TGFBR3: variants seen among roughly 807,000 people sequenced by gnomAD.
The protein encoded by TGFBR3 is transforming growth factor beta receptor 3, also known as transforming growth factor beta receptor type 3.
A neutral mutation model predicts 87.9 loss-of-function variants in TGFBR3; 46 were observed. That is an observed-to-expected ratio of 0.52 (90% confidence interval 0.41 to 0.67). TGFBR3 has a LOEUF of 0.67. TGFBR3 is among the 30% of genes least tolerant of loss of function. The pLI is 0.00. For missense variants in TGFBR3, 866 were observed against 1,041.9 expected, an observed-to-expected ratio of 0.83 and a Z score of 2.32; for synonymous variants, 381 against 391.6, an observed-to-expected ratio of 0.97 and a Z score of 0.32.
At chr1:91,707,051 A>G (rs6660484) in intron 14 of TGFBR3, among the ~76,000 whole-genome samples, 58,932 of 152,102 alleles carry the variant, frequency 0.39, 11,612 homozygotes, top group East Asian at 0.47. Context: ...GGACGGCCAG[A>G]AAAATGAATT....
chr1:91,747,996 C>G (rs1322665812), intron 4 of TGFBR3, among the ~76,000 whole-genome samples: 2 of 152,212 alleles, frequency 1.3e-5, no homozygotes, highest in Admixed American at 1.3e-4. Context: ...TAAATGCTGA[C>G]TGATAGCTCC....
At chr1:91,902,650 A>G (rs1557769117) in intron 1 of TGFBR3, among the ~76,000 whole-genome samples, 1 of 150,574 alleles carries the variant, frequency 6.6e-6, no homozygotes, top group East Asian at 1.9e-4. Flanking sequence ...GTCTCTGAAC[A>G]CCCAGAACAC....
At chr1:91,855,639 G>A (rs1407835594) in intron 2 of TGFBR3, among the ~76,000 whole-genome samples, 2 of 152,136 alleles carry the variant, frequency 1.3e-5, no homozygotes, top group African/African-American at 4.8e-5. Context: ...TACAAAGGAG[G>A]AAAGCAGAAC....
chr1:91,798,942 G>A (rs1254477918), intron 2 of TGFBR3, among the ~76,000 whole-genome samples: 1 of 152,124 alleles, frequency 6.6e-6, no homozygotes, highest in Non-Finnish European at 1.5e-5. Flanking sequence ...ATACCCAGGG[G>A]AAGAAGGAAC....
intron 14 of TGFBR3, among the ~76,000 whole-genome samples, chr1:91,700,751 A>G (rs1489671035): frequency 6.6e-6 from 1 of 152,184 alleles, no homozygotes; most frequent in Non-Finnish European, 1.5e-5. Context: ...AATAACAACA[A>G]TGATGCCTTA....
intron 2 of TGFBR3, among the ~76,000 whole-genome samples, chr1:91,822,790 G>A (rs1196445600): frequency 1.3e-5 from 2 of 152,046 alleles, no homozygotes; most frequent in Admixed American, 1.3e-4. Context: ...GGCCAGCGTG[G>A]TGGCACGTGC....
At chr1:91,854,929 GA>G (rs960876845) in intron 2 of TGFBR3, among the ~76,000 whole-genome samples, 1 of 152,176 alleles carries the variant, frequency 6.6e-6, no homozygotes, top group African/African-American at 2.4e-5. Flanking sequence ...AGGCTGCTGT[GA>G]GGATCAAATG....
At chr1:91,817,043 C>T (rs2101051233) in intron 2 of TGFBR3, among the ~76,000 whole-genome samples, 1 of 152,308 alleles carries the variant, frequency 6.6e-6, no homozygotes, top group East Asian at 1.9e-4. Context: ...GAATTACTGG[C>T]ATAGCTAAGA....
chr1:91,816,084 C>T (rs1053141036), intron 2 of TGFBR3, among the ~76,000 whole-genome samples: 1 of 152,092 alleles, frequency 6.6e-6, no homozygotes, highest in Non-Finnish European at 1.5e-5. Context: ...AAGATAGAGC[C>T]ACACAAATCC....
At chr1:91,785,024 T>C (rs537887076) in intron 3 of TGFBR3, among the ~76,000 whole-genome samples, 128 of 152,336 alleles carry the variant, frequency 8.4e-4, no homozygotes, top group African/African-American at 2.9e-3. Context: ...AAGGCAGCCA[T>C]AGACAACATA....
At chr1:91,715,003 C>T (rs1007895930) in intron 12 of TGFBR3, among the ~76,000 whole-genome samples, 2 of 152,182 alleles carry the variant, frequency 1.3e-5, no homozygotes, top group African/African-American at 2.4e-5. Context: ...AACAGAAACA[C>T]GTGCACCAAA....
chr1:91,716,799 C>G (rs916801106), intron 10 of TGFBR3, 91 bp from the exon 11 acceptor site: 2 of 1,493,134 alleles, frequency 1.3e-6, no homozygotes, highest in African/African-American at 2.8e-5. Context: ...TGTAATCATT[C>G]TGATGCAAAT....
intron 4 of TGFBR3, among the ~76,000 whole-genome samples, chr1:91,745,142 C>T (rs1571466049): frequency 6.6e-6 from 1 of 152,178 alleles, no homozygotes. Context: ...GCACATCCAA[C>T]TGCACACATG....
At position 91,712,386 on chromosome 1, in the gene TGFBR3, G is replaced by A; in HGVS notation, c.2023C>T (p.His675Tyr). 1.2e-6 allele frequency: 2 copies of A among 1,614,200 alleles called. No individual in the cohort carries two copies. Among genetic ancestry groups the A allele is most frequent in the Non-Finnish European group, 1.7e-6 (2 of 1,180,028 alleles). ...ATGTCAGCTTGCGGGATAGGAAAGT[G>A]CACTCTCTTGGGACTGTAGAATTTC... is the stretch of plus-strand genomic sequence containing the variant. The part of the protein sequence containing the change: ...SVKFYSPKRV[H>Y]FPIPQADMDK... Residue 675 changes from histidine to tyrosine, a missense_variant, in exon 13 of 17, where the codon CAC (histidine) becomes TAC (tyrosine). Transcript: ENST00000212355.
At position 91,738,405 on chromosome 1, in the gene TGFBR3, G is replaced by T. The variant is rs532927773; in HGVS notation, c.385-3446C>A. Among the ~76,000 whole-genome samples the T allele has an allele frequency of 2.6e-5, 4 of 152,244 alleles. No individual in the cohort carries two copies. In the East Asian group the frequency reaches 7.7e-4, roughly 29 times the overall value. On this transcript the variant is annotated intron_variant, in intron 4 of 16. Transcript: ENST00000212355. Reference sequence around the variant, plus strand: ...TGGTGGGAGGTGTTTGGATCATGGGGGCAGATCCCCCCATGAATGGCTTAG... The same window carrying T: ...TGGTGGGAGGTGTTTGGATCATGGGTGCAGATCCCCCCATGAATGGCTTAG...
chr1:91,715,111 T>C (rs1672118010), intron 12 of TGFBR3, among the ~76,000 whole-genome samples: 2 of 152,102 alleles, frequency 1.3e-5, no homozygotes, highest in Non-Finnish European at 2.9e-5. Context: ...CAAAACCAGC[T>C]CATTAGATGA....
chr1:91,796,244 A>G (rs529338512), intron 3 of TGFBR3, among the ~76,000 whole-genome samples: 4 of 152,224 alleles, frequency 2.6e-5, no homozygotes, highest in South Asian at 2.1e-4. Context: ...TTCACCCACA[A>G]TCTAGGCCAT....
chr1:91,753,677 C>T (rs1673638764), intron 4 of TGFBR3, among the ~76,000 whole-genome samples: 1 of 152,154 alleles, frequency 6.6e-6, no homozygotes, highest in Admixed American at 6.5e-5. Context: ...CCATTCTGGA[C>T]ATTTTATATA....
chr1:91,768,193 C>T (rs1208344530), intron 3 of TGFBR3, among the ~76,000 whole-genome samples: 1 of 133,388 alleles, frequency 7.5e-6, no homozygotes, highest in African/African-American at 2.9e-5. Context: ...GCCTGGGCAA[C>T]AAGAGCGAAA....
Sources: allele counts gnomAD v4.1 joint callset (sites outside exome capture counted in the v4.1 genomes callset), GRCh38; gene constraint gnomAD v4.1.1; transcripts MANE v1.5; gene names NCBI Gene and HGNC (gene_info 2026-07-23, HGNC 2026-07-21).